The following EDIL3 variants were observed in gnomAD, a reference collection of about 807,000 sequenced individuals.
EDIL3 encodes EGF-like repeat and discoidin I-like domain-containing protein 3.
In EDIL3, 37 loss-of-function variants were observed where a neutral mutation model predicts 67.4. That is an observed-to-expected ratio of 0.55 (90% CI 0.42 to 0.72). EDIL3 has a LOEUF of 0.72. EDIL3 is among the 30% of genes least tolerant of loss of function. The pLI is 0.00. For missense variants in EDIL3, 527 were observed against 586.3 expected (o/e 0.90, Z 1.04); for synonymous variants, 195 against 196.3 (o/e 0.99, Z 0.05).
intron 3 of EDIL3, among the ~76,000 whole-genome samples, chr5:84,204,660 T>G (rs183517835): frequency 1.1e-4 from 16 of 152,158 alleles, no homozygotes; most frequent in Admixed American, 3.3e-4. Context: ...TTCAGCAGGC[T>G]CCTTATGACT....
chr5:84,298,111 C>T (rs914419182), intron 1 of EDIL3, among the ~76,000 whole-genome samples: 1 of 152,148 alleles, frequency 6.6e-6, no homozygotes, highest in Admixed American at 6.5e-5. Flanking sequence ...ACCATTTGAA[C>T]CAGCAATCCC....
At chr5:84,384,156 G>C (rs1294282828) in intron 1 of EDIL3, 152 bp downstream of exon 1, 5 of 909,262 alleles carry the variant, frequency 5.5e-6, no homozygotes, top group African/African-American at 1.7e-5. Flanking sequence ...GCACTTTCTC[G>C]GGGCACCCAG....
At chr5:84,281,552 G>A (rs940881675) in intron 1 of EDIL3, among the ~76,000 whole-genome samples, 5 of 152,108 alleles carry the variant, frequency 3.3e-5, no homozygotes, top group Admixed American at 2.0e-4. Flanking sequence ...TGTTAATATG[G>A]TTTGTGGGTG....
At chr5:84,226,327 G>A (rs1329081854) in intron 3 of EDIL3, among the ~76,000 whole-genome samples, 1 of 151,360 alleles carries the variant, frequency 6.6e-6, no homozygotes, top group Non-Finnish European at 1.5e-5. Context: ...TATTAATGCT[G>A]TAATAAACAA....
rs114506476 is a variant in EDIL3 at position 83,984,025 on chromosome 5, A to G, written c.1138-20665T>C. Among the ~76,000 whole-genome samples, 248 of 152,136 alleles carry G rather than the reference A, an allele frequency of 1.6e-3. 1 individual carries two copies. The highest frequency in any genetic ancestry group is 5.7e-3 in the African/African-American group (237 of 41,528). ...TAGTCTATGCAAATCTGAACTCAGC[A>G]TTGACTTAAGAGGCCAGGACAGAGG... is the stretch of plus-strand genomic sequence containing the variant. On this transcript the variant is annotated intron_variant, in intron 9 of 10. Transcript: ENST00000296591.
Position 83,974,447 on chromosome 5 carries a change from A to G in EDIL3, c.1138-11087T>C, listed in dbSNP as rs199745440. Among the ~76,000 whole-genome samples the G allele has an allele frequency of 6.6e-4, 100 of 152,074 alleles. No homozygotes were observed. The East Asian group carries it at 0.017, about 26-fold the overall frequency. ...GATTCTGGGGTTAAGAGCCACTGAC[A>G]CAGAAAGTGGACTGCCCCAAAGGAT... is the stretch of plus-strand genomic sequence containing the variant. On this transcript the variant is annotated intron_variant, in intron 9 of 10. Transcript: ENST00000296591.
rs191929242 is a variant in EDIL3 at position 84,277,288 on chromosome 5, G to A, written c.68-23076C>T. Among the ~76,000 whole-genome samples, 113 of 152,122 alleles carry A rather than the reference G, an allele frequency of 7.4e-4. 1 individual carries two copies. The highest frequency in any genetic ancestry group is 2.6e-3 in the African/African-American group (107 of 41,510). ...GAAACTTCCTTGCCCTCTCTGCTACGTGAGGTTATACCGAGAAGAGAGCCG... is the reference window on the plus strand; with the variant it reads ...GAAACTTCCTTGCCCTCTCTGCTACATGAGGTTATACCGAGAAGAGAGCCG... On this transcript the variant is annotated intron_variant, in intron 1 of 10. Transcript: ENST00000296591.
intron 3 of EDIL3, among the ~76,000 whole-genome samples, chr5:84,228,577 T>C (rs1744497153): frequency 6.6e-6 from 1 of 152,104 alleles, no homozygotes; most frequent in Admixed American, 6.6e-5. Flanking sequence ...CTAACAATAT[T>C]ATGAAAATGA....
rs75040361 is a variant in EDIL3, at chr5:84,195,805, C to T, written c.227-15284G>A. 4.6e-3 allele frequency among the ~76,000 whole-genome samples: 702 copies of T among 152,014 alleles called. 23 individuals carry two copies. The East Asian group carries it at 0.088, about 19-fold the overall frequency. Reference sequence around the variant, plus strand: ...CTATTAAACTTGATGTAATATTTTTCTAGATAAAAGAATTTTGAAGAAGAT... The same window carrying T: ...CTATTAAACTTGATGTAATATTTTTTTAGATAAAAGAATTTTGAAGAAGAT... On this transcript the variant is annotated intron_variant, in intron 3 of 10. Transcript: ENST00000296591.
At chr5:84,113,146 A>G (rs1747593138) in intron 5 of EDIL3, among the ~76,000 whole-genome samples, 1 of 152,158 alleles carries the variant, frequency 6.6e-6, no homozygotes, top group East Asian at 1.9e-4. Flanking sequence ...ACCTCTAGAG[A>G]GGGCATAGTG....
At chr5:84,382,125 G>A (rs748871447) in intron 1 of EDIL3, among the ~76,000 whole-genome samples, 51 of 152,184 alleles carry the variant, frequency 3.4e-4, no homozygotes, top group Non-Finnish European at 6.8e-4. Flanking sequence ...TAACAGAAAG[G>A]GCTAATGCAA....
intron 2 of EDIL3, among the ~76,000 whole-genome samples, chr5:84,232,966 C>T (rs939679462): frequency 3.3e-5 from 5 of 152,098 alleles, no homozygotes; most frequent in African/African-American, 1.2e-4. Flanking sequence ...TATCATGCTA[C>T]CCAAATGATT....
intron 1 of EDIL3, among the ~76,000 whole-genome samples, chr5:84,374,240 C>A (rs1747918303): frequency 6.7e-6 from 1 of 150,064 alleles, no homozygotes; most frequent in African/African-American, 2.4e-5. Context: ...ACTATAATTA[C>A]CTCAAGTAAA....
chr5:84,008,225 A>G (rs933738642), intron 9 of EDIL3, among the ~76,000 whole-genome samples: 1 of 152,158 alleles, frequency 6.6e-6, no homozygotes, highest in South Asian at 2.1e-4. Flanking sequence ...ATTTGATAGC[A>G]CAACAGGGTG....
intron 4 of EDIL3, among the ~76,000 whole-genome samples, chr5:84,162,672 A>G (rs1748634817): frequency 6.6e-6 from 1 of 151,846 alleles, no homozygotes; most frequent in African/African-American, 2.4e-5. Context: ...CCTTCTCTGG[A>G]TTTTCCTCTT....
At chr5:84,046,211 C>T (rs1247075445) in intron 9 of EDIL3, among the ~76,000 whole-genome samples, 2 of 152,184 alleles carry the variant, frequency 1.3e-5, no homozygotes, top group East Asian at 1.9e-4. Context: ...AAGGGATATA[C>T]GATTGTTACA....
At chr5:84,041,825 G>A (rs972220981) in intron 9 of EDIL3, among the ~76,000 whole-genome samples, 1 of 151,764 alleles carries the variant, frequency 6.6e-6, no homozygotes, top group Non-Finnish European at 1.5e-5. Flanking sequence ...GGGTCCTGTG[G>A]TATTTAACAA....
At chr5:84,307,123 C>T (rs112611474) in intron 1 of EDIL3, among the ~76,000 whole-genome samples, 9 of 152,112 alleles carry the variant, frequency 5.9e-5, no homozygotes, top group East Asian at 1.9e-4. Flanking sequence ...TGAACAGAAA[C>T]GCAAGTGCAC....
At chr5:84,158,891 A>G (rs758411752) in intron 4 of EDIL3, among the ~76,000 whole-genome samples, 1 of 152,000 alleles carries the variant, frequency 6.6e-6, no homozygotes, top group Non-Finnish European at 1.5e-5. Context: ...CATTCTCGGC[A>G]TAAGGGATAT....
Sources: gnomAD v4.1 joint callset for allele counts (sites outside exome capture counted in the v4.1 genomes callset) on GRCh38, gnomAD v4.1.1 for gene constraint, MANE v1.5 for transcripts, NCBI Gene and HGNC (gene_info 2026-07-23, HGNC 2026-07-21) for gene names.